The following WNT7B variants were observed in gnomAD, a reference collection of about 807,000 sequenced individuals.
The protein encoded by WNT7B is Wnt family member 7B, also known as protein Wnt-7b.
A neutral mutation model predicts 38.2 loss-of-function variants in WNT7B; 19 were observed. The observed-to-expected ratio is 0.50, with a 90% confidence interval of 0.35 to 0.73. WNT7B has a LOEUF of 0.73. Ranked by LOEUF, WNT7B falls within the 30% of genes least tolerant of loss-of-function variation. The pLI, the probability that WNT7B is intolerant of heterozygous loss-of-function variation, is 0.01. For missense variants in WNT7B, 423 were observed against 507.9 expected (o/e 0.83, Z 1.61); for synonymous variants, 243 against 209.3 (o/e 1.16, Z -1.39).
chr22:45,926,592 C>T (rs896299119), intron 3 of WNT7B: 14 of 985,274 alleles, frequency 1.4e-5, no homozygotes, highest in African/African-American at 8.7e-5. Context: ...CCACTGGGGC[C>T]GACAGAAGGC....
At chr22:45,930,977 C>G (rs1235711506) in intron 3 of WNT7B, 121 bp downstream of exon 3, 5 of 1,368,096 alleles carry the variant, frequency 3.7e-6, no homozygotes, top group Non-Finnish European at 4.8e-6. Flanking sequence ...ACGGCCCCAC[C>G]CCCTGCACAC....
chr22:45,958,637 A>G (rs955381562), intron 1 of WNT7B, among the ~76,000 whole-genome samples: 1 of 152,222 alleles, frequency 6.6e-6, no homozygotes, highest in African/African-American at 2.4e-5. Context: ...TCGGAGGTCC[A>G]GAAAAGTTCA....
rs913813196 is a variant in WNT7B, at chr22:45,928,117, C to T, written c.570+2981G>A. ...CCCAGAGCTGAGAGAGAACAGGTGT[C>T]CTTTGCTCTAAGGCCCCACCCGCGG... On this transcript the variant is annotated intron_variant, in intron 3 of 3. Transcript: ENST00000339464. 7.9e-5 allele frequency among the ~76,000 whole-genome samples: 12 copies of T among 152,298 alleles called. No individual in the cohort carries two copies. In the East Asian group the frequency reaches 2.3e-3, roughly 29 times the overall value.
chr22:45,967,348 G>A (rs932630541), intron 1 of WNT7B, among the ~76,000 whole-genome samples: 9 of 152,170 alleles, frequency 5.9e-5, no homozygotes, highest in East Asian at 1.9e-4. Context: ...TGTGTAGGGC[G>A]GCAGCCTTAG....
chr22:45,948,125 G>A (rs1320747851), intron 2 of WNT7B, among the ~76,000 whole-genome samples: 4 of 152,222 alleles, frequency 2.6e-5, no homozygotes, highest in African/African-American at 7.2e-5. Flanking sequence ...CCTGATCGAC[G>A]CTCAGCTCCA....
rs543110674 is a variant in WNT7B at position 45,966,924 on chromosome 22, C to T, written c.71+9760G>A. Among the ~76,000 whole-genome samples, 2 of 147,950 alleles carry T rather than the reference C, an allele frequency of 1.4e-5. No individual in the cohort carries two copies. The highest frequency in any genetic ancestry group is 3.0e-5 in the Non-Finnish European group (2 of 66,396). On this transcript the variant is annotated intron_variant, in intron 1 of 3. Coordinates refer to ENST00000339464, the MANE Select transcript of WNT7B (RefSeq NM_058238.3). This position sits in a 1 kb window ranked among gnomAD's most constrained non-coding sequence, Gnocchi z 4.2. ...TCCCCAGCATCCCCGGCCCTCACTC[C>T]TGCATCTGCTTGTATGCCTCCGGGG...
intron 3 of WNT7B, among the ~76,000 whole-genome samples, chr22:45,923,802 G>A (rs933715512): frequency 3.9e-5 from 6 of 152,180 alleles, no homozygotes; most frequent in Admixed American, 1.3e-4. Flanking sequence ...CGAGCTTAGC[G>A]TAGGGTCTGG....
intron 1 of WNT7B, among the ~76,000 whole-genome samples, chr22:45,962,859 G>A (rs1932227630): frequency 6.6e-6 from 1 of 152,246 alleles, no homozygotes; most frequent in African/African-American, 2.4e-5. Flanking sequence ...AGGACAGATG[G>A]GTGGGTGGAC....
chr22:45,959,115 G>C (rs1016784552), intron 1 of WNT7B, among the ~76,000 whole-genome samples: 1 of 152,208 alleles, frequency 6.6e-6, no homozygotes, highest in Non-Finnish European at 1.5e-5. Flanking sequence ...GTGAATGAAT[G>C]GTGGGTGACG....
chr22:45,955,184 C>A (rs1209445990), intron 1 of WNT7B, among the ~76,000 whole-genome samples: 1 of 152,230 alleles, frequency 6.6e-6, no homozygotes, highest in Non-Finnish European at 1.5e-5. Flanking sequence ...CTGCCCCGGG[C>A]ACTGTCCAGT....
At chr22:45,935,653 T>C (rs988388966) in intron 2 of WNT7B, among the ~76,000 whole-genome samples, 1 of 152,156 alleles carries the variant, frequency 6.6e-6, no homozygotes, top group African/African-American at 2.4e-5. Context: ...TTCTTTTCTG[T>C]ACCTCCCACC....
intron 3 of WNT7B, among the ~76,000 whole-genome samples, chr22:45,929,690 ATCCACCC>A (rs781630410): frequency 2.1e-4 from 29 of 141,236 alleles, no homozygotes; most frequent in Admixed American, 6.3e-4. Flanking sequence ...CCATACTTCC[ATCCACCC>A]ATCTTTCCAT....
intron 3 of WNT7B, among the ~76,000 whole-genome samples, chr22:45,927,926 A>G (rs140938335): frequency 0.014 from 2,067 of 152,326 alleles, 18 homozygotes; most frequent in Middle Eastern, 0.031. Context: ...AAGACGACTC[A>G]GGCTCAGAGG....
intron 1 of WNT7B, among the ~76,000 whole-genome samples, chr22:45,973,531 G>T (rs1176000913): frequency 6.6e-6 from 1 of 152,190 alleles, no homozygotes. Flanking sequence ...TGGCCCCAAA[G>T]GCAGGGACAG....
rs151047028 is a variant in WNT7B at position 45,927,788 on chromosome 22, C to T, written c.570+3310G>A. Among the ~76,000 whole-genome samples the T allele has an allele frequency of 8.7e-3, 1,323 of 152,306 alleles. 19 individuals carry two copies. Among genetic ancestry groups the T allele is most frequent in the African/African-American group, 0.03 (1,261 of 41,564 alleles). ...GCACACGCCTGTAATCCCAGCTATT[C>T]GGGAGGCTGAGGCAGGAGAATTGCT... On this transcript the variant is annotated intron_variant, in intron 3 of 3. Coordinates refer to ENST00000339464, the MANE Select transcript of WNT7B (RefSeq NM_058238.3).
Position 45,976,631 on chromosome 22 carries a change from T to C in WNT7B, c.71+53A>G. On this transcript the variant is annotated intron_variant, in intron 1 of 3. Transcript: ENST00000339464. The surrounding 1 kb of genome is among the most constrained non-coding windows in gnomAD (Gnocchi z 8.5). ...CCCACGGGGACGCCCCGGAGGCAGC[T>C]CCTTCGTGCTGTCTTGGCCCCTGGC... 1 of 1,575,448 alleles carries C rather than the reference T, an allele frequency of 6.3e-7. No individual in the cohort carries two copies. The highest frequency in any genetic ancestry group is 8.6e-7 in the Non-Finnish European group (1 of 1,157,186).
At chr22:45,969,527 C>G (rs1354955166) in intron 1 of WNT7B, among the ~76,000 whole-genome samples, 1 of 152,240 alleles carries the variant, frequency 6.6e-6, no homozygotes, top group Non-Finnish European at 1.5e-5. Flanking sequence ...CCTGGGAGCT[C>G]CTGCACTGAC....
rs1165713440 is a variant in WNT7B, at chr22:45,926,337, G to A, written c.571-3002C>T. 11 of 985,272 alleles carry A rather than the reference G, an allele frequency of 1.1e-5. No individual in the cohort carries two copies. The South Asian group carries it at 1.4e-4, about 13-fold the overall frequency. The allele number at this position is 985,272 out of a possible 1,614,324, so 61.0% of individuals were successfully genotyped here. On this transcript the variant is annotated intron_variant, in intron 3 of 3. Transcript: ENST00000339464. ...TTGCTCAGGGGAGCTGCAGGCTGCC[G>A]CAGGGGCCGCTCCTCCAGGCCTTGG...
Position 45,943,481 on chromosome 22 carries a change from C to T in WNT7B, c.298+6439G>A, listed in dbSNP as rs74387831. On this transcript the variant is annotated intron_variant, in intron 2 of 3. Coordinates refer to ENST00000339464, the MANE Select transcript of WNT7B (RefSeq NM_058238.3). The stretch of plus-strand genomic sequence containing the variant: ...GAGTTTTCCCCAGCCCTGAGGTGCT[C>T]GGGGAGCCCAGGAGGCCCCTCCTGT... Among the ~76,000 whole-genome samples the T allele has an allele frequency of 4.4e-4, 67 of 152,294 alleles. 1 individual carries two copies. In the East Asian group the frequency reaches 0.012, roughly 27 times the overall value.
Sources: allele counts gnomAD v4.1 joint callset (sites outside exome capture counted in the v4.1 genomes callset), GRCh38; gene constraint gnomAD v4.1.1; non-coding constraint Gnocchi (gnomAD v3.1); transcripts MANE v1.5; gene names NCBI Gene and HGNC (gene_info 2026-07-23, HGNC 2026-07-21).